Variants in AP2A2 observed in about 807,000 individuals in gnomAD.
AP2A2 encodes adaptor related protein complex 2 subunit alpha 2.
Under a neutral mutation model 104.2 loss-of-function variants are expected in AP2A2, and 32 were observed. That is an observed-to-expected ratio of 0.31 (90% confidence interval 0.23 to 0.41). AP2A2 has a LOEUF of 0.41. AP2A2 is among the 10% of genes least tolerant of loss of function. The pLI is 1.00. For missense variants in AP2A2, 912 were observed against 1,261.0 expected (o/e 0.72, Z 4.19); for synonymous variants, 539 against 533.3 (o/e 1.01, Z -0.15).
At chr11:954,891 T>C (rs973714717) in intron 1 of AP2A2, among the ~76,000 whole-genome samples, 4 of 152,236 alleles carry the variant, frequency 2.6e-5, no homozygotes, top group African/African-American at 9.7e-5. Flanking sequence ...ATGTGCTGTT[T>C]GTTTTAGTTT....
intron 1 of AP2A2, among the ~76,000 whole-genome samples, chr11:942,574 G>T (rs1853692963): frequency 6.6e-6 from 1 of 152,202 alleles, no homozygotes; most frequent in East Asian, 1.9e-4. Context: ...GTAATGATGG[G>T]TGAGTCCAGG....
At chr11:936,235 T>G (rs959245943) in intron 1 of AP2A2, among the ~76,000 whole-genome samples, 1 of 122,962 alleles carries the variant, frequency 8.1e-6, no homozygotes. Flanking sequence ...TTTTTAAAGA[T>G]ATAGGGTCTT....
chr11:1,006,771 G>A (rs1044655312), intron 17 of AP2A2, 154 bp downstream of exon 17: 1 of 616,604 alleles, frequency 1.6e-6, no homozygotes, highest in Non-Finnish European at 2.8e-6. Context: ...TCTGCCTATG[G>A]TGCTGGGCAG....
At chr11:990,984 C>T (rs1197955563) in intron 10 of AP2A2, among the ~76,000 whole-genome samples, 1 of 151,376 alleles carries the variant, frequency 6.6e-6, no homozygotes, top group Non-Finnish European at 1.5e-5. Context: ...TATGGTGCTC[C>T]CCTCCGTCCT....
chr11:1,009,632 G>T (rs1308645892), intron 20 of AP2A2, 51 bp from the exon 21 acceptor site: 7 of 1,464,404 alleles, frequency 4.8e-6, no homozygotes, highest in Middle Eastern at 2.1e-4. Flanking sequence ...CGGGGGACAC[G>T]CTGCCCGCGA....
chr11:980,756 A>G (rs367563367), intron 5 of AP2A2, among the ~76,000 whole-genome samples: 97 of 152,376 alleles, frequency 6.4e-4, no homozygotes, highest in African/African-American at 2.1e-3. Flanking sequence ...GCTCTTTTCT[A>G]TAGTCTCACT....
Position 1,000,475 on chromosome 11 carries a change from C to A in AP2A2, c.2000C>A (p.Ala667Asp), listed in dbSNP as rs752700478. The A allele has an allele frequency of 1.3e-5, 20 of 1,538,326 alleles. No homozygotes were observed. Among genetic ancestry groups the A allele is most frequent in the Non-Finnish European group, 1.7e-5 (20 of 1,145,846 alleles). Reference protein sequence around the residue: ...PSADLLGLGAAPPAPAGPPPS... With the variant: ...PSADLLGLGADPPAPAGPPPS... ...GCAGACCTGCTGGGTCTCGGGGCTG[C>A]CCCCCCTGCCCCCGCGGGCCCCCCA... The change falls in exon 15 of 22, where the codon GCC becomes GAC. Residue 667 changes from alanine (A) to aspartate (D), a missense_variant. By Grantham distance (126) the Ala-to-Asp change is moderately radical. This residue lies in a region of AP2A2 where 105 missense variants were observed against 90.9 expected (regional missense o/e 1.16). Coordinates refer to ENST00000448903, the MANE Select transcript of AP2A2 (RefSeq NM_012305.4).
At chr11:962,147 A>T (rs1208313444) in intron 2 of AP2A2, among the ~76,000 whole-genome samples, 1 of 151,150 alleles carries the variant, frequency 6.6e-6, no homozygotes, top group Non-Finnish European at 1.5e-5. Context: ...GTGGCTCTCA[A>T]CCTGGGGGAG....
Position 993,842 on chromosome 11 carries a change from T to A in AP2A2, c.1639T>A (p.Phe547Ile). The part of the protein sequence containing the change: ...RALLLSTYIK[F>I]VNLFPEVKPT... Reference sequence around the variant, plus strand: ...GCTGCTCCTGTCCACCTACATCAAGTTCGTGAACCTCTTCCCGGAGGTGAA... The same window carrying A: ...GCTGCTCCTGTCCACCTACATCAAGATCGTGAACCTCTTCCCGGAGGTGAA... Residue 547 changes from phenylalanine to isoleucine, a missense_variant, in exon 13 of 22, where the codon TTC (phenylalanine) becomes ATC (isoleucine). Physicochemically the swap from Phe to Ile is conservative, Grantham distance 21 (BLOSUM62 0). This residue lies in a region of AP2A2 where 137 missense variants were observed against 186.9 expected (regional missense o/e 0.73). Coordinates refer to ENST00000448903, the MANE Select transcript of AP2A2 (RefSeq NM_012305.4). This position sits in a 1 kb window ranked among gnomAD's most constrained non-coding sequence, Gnocchi z 8.2. 6.2e-7 allele frequency: 1 copy of A among 1,609,362 alleles called. No individual in the cohort carries two copies. Among genetic ancestry groups the A allele is most frequent in the Non-Finnish European group, 8.5e-7 (1 of 1,179,696 alleles).
rs55897359 is a variant in AP2A2 at position 974,698 on chromosome 11, A to AAAAAAG, written c.474-2394_474-2393insAAGAAA. 5.8e-3 allele frequency among the ~76,000 whole-genome samples: 795 copies of AAAAAAG among 137,152 alleles called. 20 individuals carry two copies. Among genetic ancestry groups the AAAAAAG allele is most frequent in the African/African-American group, 0.012 (437 of 37,324 alleles). 90.0% of individuals were successfully genotyped at this position (137,152 alleles called of 152,430 possible). A position where few individuals can be genotyped will look rare whatever the true frequency, so the allele number is the denominator to read the frequency against. ...ACTCTGTCTCAAAAAAAAAAAAAAA[A>AAAAAAG]AAAGAAAGCTGGGCATGGTGGCTCA... On this transcript the variant is annotated intron_variant, in intron 4 of 21. Coordinates refer to ENST00000448903, the MANE Select transcript of AP2A2 (RefSeq NM_012305.4).
intron 1 of AP2A2, chr11:946,446 A>G (rs1194107866): frequency 1.3e-5 from 2 of 152,194 alleles, no homozygotes; most frequent in African/African-American, 4.8e-5. Context: ...GTCAGTTGAG[A>G]ATTCTGTGTC....
At position 968,214 on chromosome 11, in the gene AP2A2, A is replaced by G. The variant is rs981503630; in HGVS notation, c.137-1955A>G. Among the ~76,000 whole-genome samples, 3 of 152,194 alleles carry G rather than the reference A, an allele frequency of 2.0e-5. No individual in the cohort carries two copies. Among genetic ancestry groups the G allele is most frequent in the African/African-American group, 4.8e-5 (2 of 41,452 alleles). ...CGCTGCCCCTCACGGTGCTTATGCAACAGGGGTGGTGTGCCCAGGGGAGTG... is the reference window on the plus strand; with the variant it reads ...CGCTGCCCCTCACGGTGCTTATGCAGCAGGGGTGGTGTGCCCAGGGGAGTG... On this transcript the variant is annotated intron_variant, in intron 2 of 21. Transcript: ENST00000448903. This position sits in a 1 kb window ranked among gnomAD's most constrained non-coding sequence, Gnocchi z 4.2.
chr11:982,481 C>G (rs895299966), intron 6 of AP2A2, among the ~76,000 whole-genome samples: 4 of 152,136 alleles, frequency 2.6e-5, no homozygotes, highest in South Asian at 2.1e-4. Context: ...CTGGGTTGTC[C>G]GTTTTTTGTG....
At chr11:977,036 C>T (rs6597960) in intron 4 of AP2A2, 59 bp from the exon 5 acceptor site, 835,423 of 1,602,296 alleles carry the variant, frequency 0.52, 223,208 homozygotes, top group Admixed American at 0.67. Flanking sequence ...GGGGGTGCTC[C>T]GTGCAGCTCT....
At position 1,011,392 on chromosome 11, in the gene AP2A2, C is replaced by G. The variant is rs770216973; in HGVS notation, c.*767C>G. Reference sequence around the variant, plus strand: ...GTGGCGCAAGACTCAGAGGTGTGCTCGTCTCTTTCCTGTCAGAGTGGGCGT... The same window carrying G: ...GTGGCGCAAGACTCAGAGGTGTGCTGGTCTCTTTCCTGTCAGAGTGGGCGT... On this transcript the variant is annotated 3_prime_UTR_variant, in exon 22 of 22. Coordinates refer to ENST00000448903, the MANE Select transcript of AP2A2 (RefSeq NM_012305.4). The G allele has an allele frequency of 1.9e-6, 1 of 515,490 alleles. No individual in the cohort carries two copies. Among genetic ancestry groups the G allele is most frequent in the Non-Finnish European group, 3.9e-6 (1 of 258,182 alleles). 31.9% of individuals were successfully genotyped at this position (515,490 alleles called of 1,614,324 possible). A position where few individuals can be genotyped will look rare whatever the true frequency, so the allele number is the denominator to read the frequency against.
intron 18 of AP2A2, 160 bp from the exon 19 acceptor site, chr11:1,008,938 CTG>C (rs1220319241): frequency 6.4e-6 from 4 of 620,784 alleles, no homozygotes; most frequent in East Asian, 2.7e-5. Context: ...ACACTGGACA[CTG>C]AGCCACACAC....
chr11:944,544 C>T (rs569885819), intron 1 of AP2A2, among the ~76,000 whole-genome samples: 5 of 151,864 alleles, frequency 3.3e-5, no homozygotes, highest in East Asian at 1.9e-4. Flanking sequence ...GGATAGAGAT[C>T]GAAAATAAAC....
chr11:987,033 T>C, intron 9 of AP2A2, 80 bp downstream of exon 9: 2 of 1,473,040 alleles, frequency 1.4e-6, no homozygotes, highest in Non-Finnish European at 1.8e-6. Context: ...GGGTACGCAG[T>C]GCCTCCTGAC....
intron 21 of AP2A2, chr11:1,010,103 G>T (rs140142900): frequency 2.1e-6 from 1 of 484,602 alleles, no homozygotes; most frequent in Non-Finnish European, 3.7e-6. Flanking sequence ...GCTGGCCACC[G>T]TGGAGCATCG....
Sources: gnomAD v4.1 joint callset for allele counts (sites outside exome capture counted in the v4.1 genomes callset) on GRCh38, gnomAD v4.1.1 for gene constraint, gnomAD v4.1.1 regional missense constraint, Gnocchi (gnomAD v3.1) non-coding constraint, MANE v1.5 for transcripts, NCBI Gene and HGNC (gene_info 2026-07-23, HGNC 2026-07-21) for gene names.